NOX4: variants seen among roughly 807,000 people sequenced by gnomAD.
NOX4 encodes the protein NADPH oxidase 4, also known as kidney oxidase-1.
A neutral mutation model predicts 87.6 loss-of-function variants in NOX4; 69 were observed. The ratio of observed to expected loss-of-function variants is 0.79; its 90% CI spans 0.65 to 0.96. The LOEUF (loss-of-function observed/expected upper bound fraction) is 0.96, where lower values mean the gene tolerates loss of function less well. NOX4 is among the 40% of genes least tolerant of loss of function. The probability of loss-of-function intolerance (pLI) is 0.00; values close to 1 mark genes in which losing one functional copy is unlikely to be tolerated. For missense variants in NOX4, 680 were observed against 681.5 expected, an observed-to-expected ratio of 1.00 and a Z score of 0.02; for synonymous variants, 275 against 238.2, an observed-to-expected ratio of 1.15 and a Z score of -1.42.
chr11:89,555,193 T>C, the NOX4 span, among the ~76,000 whole-genome samples: 5 of 142,072 alleles, frequency 3.5e-5, no homozygotes, highest in African/African-American at 1.3e-4. Context: ...AAAAAAAAAA[T>C]GCTTTTAGTC....
chr11:89,537,411 A>G, the NOX4 span, among the ~76,000 whole-genome samples: 3 of 151,480 alleles, frequency 2.0e-5, no homozygotes, highest in Admixed American at 6.6e-5. Context: ...ATAGTTATAT[A>G]TACATATTAT....
the NOX4 span, among the ~76,000 whole-genome samples, chr11:89,534,383 C>T: frequency 1.3e-5 from 2 of 152,184 alleles, no homozygotes; most frequent in East Asian, 3.8e-4. Context: ...TTTTTTCTCT[C>T]TACCTGGTTG....
intron 2 of NOX4, among the ~76,000 whole-genome samples, chr11:89,454,798 G>A (rs1027534433): frequency 1.4e-4 from 22 of 152,142 alleles, no homozygotes; most frequent in East Asian, 1.2e-3. Flanking sequence ...CAGGCTAAGC[G>A]TTTTTAATGA....
rs1421588294 is a variant in NOX4 at position 89,440,714 on chromosome 11, T to A, written c.449A>T (p.Asp150Val). Residue 150 changes from aspartate to valine, a missense_variant and splice_region_variant, in exon 6 of 18, where the codon GAT becomes GTT. By Grantham distance (152) the Asp-to-Val change is radical (BLOSUM62 -3). Transcript: ENST00000263317. Reference protein sequence around the residue: ...ELNAARYRDEDPRKLLFTTVP... With the variant: ...ELNAARYRDEVPRKLLFTTVP... ...AGTTGTGAAGAGAAGTTTTCTAGGA[T>A]CCTGAGAAAAAGAAAAAAAAATAAA... 3.3e-6 allele frequency: 5 copies of A among 1,532,694 alleles called. No homozygotes were observed. The highest frequency in any genetic ancestry group is 3.7e-5 in the Admixed American group (2 of 54,666). 94.9% of individuals were successfully genotyped at this position (1,532,694 alleles called of 1,614,324 possible).
At chr11:89,561,023 TACACACAC>T in the NOX4 span, among the ~76,000 whole-genome samples, 1 of 71,308 alleles carries the variant, frequency 1.4e-5, no homozygotes, top group Non-Finnish European at 2.6e-5. Flanking sequence ...TATATATACA[TACACACAC>T]ACATACACAT....
intron 7 of NOX4, among the ~76,000 whole-genome samples, chr11:89,430,204 C>T (rs1349039921): frequency 6.6e-6 from 1 of 152,100 alleles, no homozygotes; most frequent in Admixed American, 6.6e-5. Flanking sequence ...GGACATATGT[C>T]AAAATAATAA....
At chr11:89,367,691 G>A (rs2135034496) in intron 12 of NOX4, among the ~76,000 whole-genome samples, 1 of 151,998 alleles carries the variant, frequency 6.6e-6, no homozygotes, top group African/African-American at 2.4e-5. Context: ...TATAACATTG[G>A]CAGGGTGACC....
At chr11:89,432,216 G>C (rs1367891254) in intron 7 of NOX4, among the ~76,000 whole-genome samples, 3 of 152,034 alleles carry the variant, frequency 2.0e-5, no homozygotes, top group Admixed American at 6.6e-5. Context: ...TTGGGAGAGG[G>C]GGAGGGACAG....
At chr11:89,487,182 C>T (rs1235727044) in intron 2 of NOX4, among the ~76,000 whole-genome samples, 1 of 152,120 alleles carries the variant, frequency 6.6e-6, no homozygotes, top group Non-Finnish European at 1.5e-5. Flanking sequence ...AGCTCTGACA[C>T]TGACCATTAA....
At chr11:89,460,397 T>G (rs1251394039) in intron 2 of NOX4, among the ~76,000 whole-genome samples, 1 of 152,112 alleles carries the variant, frequency 6.6e-6, no homozygotes, top group East Asian at 1.9e-4. Context: ...GGAGAAAATT[T>G]TTGCATTCTA....
At chr11:89,530,520 T>TG in the NOX4 span, among the ~76,000 whole-genome samples, 3 of 150,800 alleles carry the variant, frequency 2.0e-5, no homozygotes, top group East Asian at 3.9e-4. Flanking sequence ...TTTTTTTTTT[T>TG]TTTTTGTATT....
chr11:89,352,450 A>G (rs1479063313), intron 13 of NOX4, among the ~76,000 whole-genome samples: 1 of 152,178 alleles, frequency 6.6e-6, no homozygotes, highest in African/African-American at 2.4e-5. Context: ...TCATAAGGCT[A>G]TAGCTACCAT....
intron 7 of NOX4, among the ~76,000 whole-genome samples, chr11:89,429,583 T>C (rs977071907): frequency 6.6e-6 from 1 of 152,042 alleles, no homozygotes; most frequent in African/African-American, 2.4e-5. Flanking sequence ...TATAAACACC[T>C]CTACGCAAAT....
the NOX4 span, among the ~76,000 whole-genome samples, chr11:89,537,304 G>T: frequency 1.3e-5 from 2 of 151,596 alleles, no homozygotes; most frequent in Non-Finnish European, 1.5e-5. Context: ...TTTCATATTG[G>T]TCATTAAAAT....
chr11:89,485,307 TA>T (rs2135481895), intron 2 of NOX4, among the ~76,000 whole-genome samples: 1 of 152,106 alleles, frequency 6.6e-6, no homozygotes, highest in Admixed American at 6.5e-5. Flanking sequence ...AAAAGCAAAA[TA>T]AAAATTAAAA....
chr11:89,327,807 T>C (rs555983487), intron 17 of NOX4, among the ~76,000 whole-genome samples: 1 of 151,938 alleles, frequency 6.6e-6, no homozygotes, highest in Non-Finnish European at 1.5e-5. Context: ...AAAATGAAAC[T>C]AAAAGCTGTG....
chr11:89,548,872 G>T, the NOX4 span: 11 of 152,102 alleles, frequency 7.2e-5, no homozygotes, highest in African/African-American at 2.7e-4. Flanking sequence ...GACACCAGCA[G>T]GAGAAACCAT....
chr11:89,506,442 G>A, the NOX4 span, among the ~76,000 whole-genome samples: 5 of 151,536 alleles, frequency 3.3e-5, no homozygotes, highest in African/African-American at 1.2e-4. Flanking sequence ...ACTCAAAATG[G>A]ATCATAGACC....
chr11:89,338,142 T>C (rs1291636681), intron 15 of NOX4, among the ~76,000 whole-genome samples: 1 of 152,088 alleles, frequency 6.6e-6, no homozygotes, highest in Non-Finnish European at 1.5e-5. Context: ...TGTATCTGAA[T>C]TGTTTGAAAT....
Sources: gnomAD v4.1 joint callset for allele counts (sites outside exome capture counted in the v4.1 genomes callset) on GRCh38, gnomAD v4.1.1 for gene constraint, MANE v1.5 for transcripts, NCBI Gene and HGNC (gene_info 2026-07-23, HGNC 2026-07-21) for gene names.